The following DACH2 variants were observed in gnomAD, a reference collection of about 807,000 sequenced individuals.
The protein encoded by DACH2 is dachshund homolog 2.
Under a neutral mutation model 35.8 loss-of-function variants are expected in DACH2, and 17 were observed. The ratio of observed to expected loss-of-function variants is 0.48; its 90% CI spans 0.33 to 0.71. The LOEUF (loss-of-function observed/expected upper bound fraction) is 0.71. Ranked by LOEUF, DACH2 falls within the 30% of genes least tolerant of loss-of-function variation. The probability of loss-of-function intolerance (pLI) is 0.02; values close to 1 mark genes in which losing one functional copy is unlikely to be tolerated. For synonymous variants in DACH2, 195 were observed against 177.3 expected, an observed-to-expected ratio of 1.10 and a Z score of -0.79; for missense variants, 469 against 472.7, an observed-to-expected ratio of 0.99 and a Z score of 0.07.
intron 2 of DACH2, among the ~76,000 whole-genome samples, chrX:86,382,230 G>T (rs1252076885): frequency 1.8e-5 from 2 of 108,633 alleles, no homozygotes; most frequent in Non-Finnish European, 3.9e-5. Context: ...TGAATAAGGG[G>T]GTAAGTAATT....
intron 1 of DACH2, among the ~76,000 whole-genome samples, chrX:86,150,491 C>G (rs1014758038): frequency 8.9e-6 from 1 of 112,034 alleles, no homozygotes; most frequent in Non-Finnish European, 1.9e-5. Flanking sequence ...TGCTGCAGAA[C>G]TTACAAGGGA....
chrX:86,726,350 A>G (rs1042304225), intron 6 of DACH2, among the ~76,000 whole-genome samples: 1 of 111,508 alleles, frequency 9.0e-6, no homozygotes, highest in Non-Finnish European at 1.9e-5. Flanking sequence ...TACACTCTCA[A>G]AATTGCACCA....
At chrX:86,686,001 A>G (rs2040938299) in intron 4 of DACH2, among the ~76,000 whole-genome samples, 1 of 111,726 alleles carries the variant, frequency 9.0e-6, no homozygotes, top group African/African-American at 3.3e-5. Flanking sequence ...TTTGTCATTT[A>G]GACAGACCAC....
chrX:86,717,798 A>T (rs1477091913), intron 6 of DACH2, among the ~76,000 whole-genome samples: 7 of 105,240 alleles, frequency 6.7e-5, no homozygotes, highest in Non-Finnish European at 1.2e-4. Context: ...ATATATATAT[A>T]TAATGGAATA....
chrX:86,191,246 G>C (rs2031825915), intron 1 of DACH2, among the ~76,000 whole-genome samples: 1 of 111,716 alleles, frequency 9.0e-6, no homozygotes, highest in African/African-American at 3.3e-5. Flanking sequence ...ATCAACGGTG[G>C]ACTGGATAAA....
chrX:86,312,518 G>T (rs1402027373), intron 1 of DACH2, among the ~76,000 whole-genome samples: 1 of 111,643 alleles, frequency 9.0e-6, no homozygotes, highest in African/African-American at 3.3e-5. Context: ...TTAATTCTGG[G>T]TGTGTCTGTG....
At chrX:86,534,466 C>T (rs2038768636) in intron 3 of DACH2, among the ~76,000 whole-genome samples, 1 of 111,754 alleles carries the variant, frequency 8.9e-6, no homozygotes, top group Admixed American at 9.5e-5. Context: ...TATTTTCTTC[C>T]CTTAATATCT....
intron 1 of DACH2, among the ~76,000 whole-genome samples, chrX:86,252,496 A>T (rs2033422171): frequency 9.0e-6 from 1 of 111,133 alleles, no homozygotes; most frequent in South Asian, 3.7e-4. Context: ...TAAGTTCTTG[A>T]TCGATCTTGA....
intron 11 of DACH2, among the ~76,000 whole-genome samples, chrX:86,823,021 C>T (rs758650375): frequency 6.9e-4 from 77 of 111,034 alleles, no homozygotes; most frequent in Non-Finnish European, 1.2e-3. Flanking sequence ...AGTGGCATAT[C>T]GGCTCACTGC....
At chrX:86,529,946 T>TACACACACACAC (rs779572561) in intron 3 of DACH2, among the ~76,000 whole-genome samples, 1 of 79,191 alleles carries the variant, frequency 1.3e-5, no homozygotes, top group Non-Finnish European at 2.5e-5. Flanking sequence ...CCATTGTACA[T>TACACACACACAC]ACACACACAC....
intron 2 of DACH2, among the ~76,000 whole-genome samples, chrX:86,459,984 C>G (rs1038038879): frequency 9.0e-6 from 1 of 110,805 alleles, no homozygotes; most frequent in Non-Finnish European, 1.9e-5. Context: ...TTAATTTGAA[C>G]ATCTAGTTTG....
chrX:86,480,333 C>G (rs773676738), intron 2 of DACH2, among the ~76,000 whole-genome samples: 27 of 112,036 alleles, frequency 2.4e-4, no homozygotes, highest in Non-Finnish European at 4.5e-4. Context: ...AATGGATTCT[C>G]TGTCTGTTCT....
chrX:86,206,932 T>TA, intron 1 of DACH2, among the ~76,000 whole-genome samples: 1 of 111,981 alleles, frequency 8.9e-6, no homozygotes, highest in Non-Finnish European at 1.9e-5. Context: ...GTAAGCACCT[T>TA]AAATCTTTTT....
At chrX:86,438,891 A>G (rs2037113284) in intron 2 of DACH2, among the ~76,000 whole-genome samples, 1 of 112,223 alleles carries the variant, frequency 8.9e-6, no homozygotes, top group Non-Finnish European at 1.9e-5. Context: ...AGTAATAGCC[A>G]GTCTGACTGT....
At chrX:86,361,634 C>A (rs1416117314) in intron 1 of DACH2, among the ~76,000 whole-genome samples, 1 of 111,627 alleles carries the variant, frequency 9.0e-6, no homozygotes, top group Admixed American at 9.6e-5. Context: ...CTTTATAATA[C>A]ATTTTTATTC....
chrX:86,289,702 G>A (rs2034233630), intron 1 of DACH2, among the ~76,000 whole-genome samples: 1 of 107,151 alleles, frequency 9.3e-6, no homozygotes, highest in Admixed American at 1.0e-4. Context: ...ATAGTTTACT[G>A]AGAATGATGA....
chrX:86,415,649 GA>G (rs756268568), intron 2 of DACH2, among the ~76,000 whole-genome samples: 8 of 111,081 alleles, frequency 7.2e-5, no homozygotes, highest in African/African-American at 2.6e-4. Context: ...GAATGATATG[GA>G]AATACTTTAA....
intron 7 of DACH2, among the ~76,000 whole-genome samples, chrX:86,766,219 T>C (rs1216436607): frequency 3.6e-5 from 4 of 111,629 alleles, no homozygotes; most frequent in Non-Finnish European, 5.6e-5. Context: ...GACTCCTAAA[T>C]CTAATCATTC....
intron 2 of DACH2, among the ~76,000 whole-genome samples, chrX:86,453,465 C>T (rs954407683): frequency 3.6e-5 from 4 of 111,459 alleles, no homozygotes; most frequent in South Asian, 3.8e-4. Context: ...TTGTAGGTCT[C>T]TAAGAACTTG....
Sources: allele counts gnomAD v4.1 joint callset (sites outside exome capture counted in the v4.1 genomes callset), GRCh38; gene constraint gnomAD v4.1.1; transcripts MANE v1.5; gene names NCBI Gene and HGNC (gene_info 2026-07-23, HGNC 2026-07-21).